Variants in CSMD1 observed in about 807,000 individuals in gnomAD.
CSMD1 encodes the protein CUB and sushi domain-containing protein 1.
In CSMD1, 213 loss-of-function variants were observed where a neutral mutation model predicts 417.5. That is an observed-to-expected ratio of 0.51 (90% CI 0.46 to 0.57). CSMD1 has a LOEUF of 0.57. Among genes scored for constraint, CSMD1 ranks in the 20% least tolerant of loss-of-function variants. The pLI, the probability that CSMD1 is intolerant of heterozygous loss-of-function variation, is 0.00. For synonymous variants in CSMD1, 2,862 were observed against 1,736.8 expected, an observed-to-expected ratio of 1.65 and a Z score of -16.11; for missense variants, 6,923 against 4,529.7, an observed-to-expected ratio of 1.53 and a Z score of -15.17.
At chr8:4,222,909 T>C (rs1390989312) in intron 3 of CSMD1, among the ~76,000 whole-genome samples, 8 of 152,102 alleles carry the variant, frequency 5.3e-5, no homozygotes, top group African/African-American at 1.7e-4. Flanking sequence ...GTGAAAGTTA[T>C]GCAAAGCGTT....
At chr8:4,838,786 C>G (rs1242350100) in intron 1 of CSMD1, among the ~76,000 whole-genome samples, 2 of 152,178 alleles carry the variant, frequency 1.3e-5, no homozygotes, top group Admixed American at 6.5e-5. Flanking sequence ...AGAGTTTGGT[C>G]GGAACCGACA....
chr8:4,371,743 G>A (rs1323959176), intron 3 of CSMD1, among the ~76,000 whole-genome samples: 3 of 152,034 alleles, frequency 2.0e-5, no homozygotes, highest in South Asian at 2.1e-4. Flanking sequence ...TTTTTCAAAC[G>A]CCTAAGGTCT....
At chr8:4,743,120 T>G (rs537771178) in intron 1 of CSMD1, among the ~76,000 whole-genome samples, 1 of 152,292 alleles carries the variant, frequency 6.6e-6, no homozygotes, top group Non-Finnish European at 1.5e-5. Flanking sequence ...AAAATAAATA[T>G]ACCAAGAAAA....
intron 10 of CSMD1, among the ~76,000 whole-genome samples, chr8:3,536,376 G>T (rs1010829018): frequency 1.2e-4 from 19 of 152,204 alleles, no homozygotes; most frequent in African/African-American, 4.3e-4. Context: ...AGAATTCCAT[G>T]ACCATTGATT....
intron 2 of CSMD1, among the ~76,000 whole-genome samples, chr8:4,483,999 C>T (rs958980179): frequency 6.6e-6 from 1 of 152,090 alleles, no homozygotes; most frequent in African/African-American, 2.4e-5. Context: ...CTGGGAGAAA[C>T]ATCCCATTGC....
At chr8:4,841,911 C>CAAACAAAACAAAAAAAAAAAAAAAAAA (rs779855887) in intron 1 of CSMD1, among the ~76,000 whole-genome samples, 2 of 34,848 alleles carry the variant, frequency 5.7e-5, no homozygotes, top group African/African-American at 1.7e-4. Flanking sequence ...AACTCCGTCT[C>CAAACAAAACAAAAAAAAAAAAAAAAAA]AAAAAAAAAA....
At chr8:3,452,128 G>A (rs1815767421) in intron 12 of CSMD1, among the ~76,000 whole-genome samples, 1 of 152,166 alleles carries the variant, frequency 6.6e-6, no homozygotes, top group Non-Finnish European at 1.5e-5. Flanking sequence ...GTCTGTTATT[G>A]TTTTATAAGA....
intron 1 of CSMD1, among the ~76,000 whole-genome samples, chr8:4,749,869 G>T (rs1157747917): frequency 6.6e-6 from 1 of 151,990 alleles, no homozygotes; most frequent in Non-Finnish European, 1.5e-5. Flanking sequence ...GGCAAAAAGA[G>T]AAATGCAACT....
chr8:4,110,705 G>C (rs749797662), intron 3 of CSMD1, among the ~76,000 whole-genome samples: 43 of 151,886 alleles, frequency 2.8e-4, no homozygotes, highest in Non-Finnish European at 5.0e-4. Context: ...TATAATTTCA[G>C]GGTTTTTTTT....
At chr8:3,816,871 G>T (rs1003773887) in intron 5 of CSMD1, among the ~76,000 whole-genome samples, 1 of 151,972 alleles carries the variant, frequency 6.6e-6, no homozygotes. Context: ...GGGGTAAGGG[G>T]GCACTATATA....
intron 25 of CSMD1, among the ~76,000 whole-genome samples, chr8:3,290,205 T>C (rs1803447781): frequency 6.8e-6 from 1 of 147,450 alleles, no homozygotes; most frequent in Admixed American, 6.7e-5. Context: ...TTGGTACCAG[T>C]ACCATGCTGT....
intron 5 of CSMD1, among the ~76,000 whole-genome samples, chr8:3,757,715 G>T (rs1416101433): frequency 6.6e-6 from 1 of 152,002 alleles, no homozygotes; most frequent in Non-Finnish European, 1.5e-5. Context: ...TGGGCATGGT[G>T]GCAGGCACAG....
chr8:3,302,404 GTC>G (rs1214007963), intron 25 of CSMD1, among the ~76,000 whole-genome samples: 1 of 152,018 alleles, frequency 6.6e-6, no homozygotes, highest in Admixed American at 6.6e-5. Flanking sequence ...CCTATCTAAG[GTC>G]TCTCCGCACA....
chr8:4,738,925 G>C (rs1810423847), intron 1 of CSMD1, among the ~76,000 whole-genome samples: 1 of 152,102 alleles, frequency 6.6e-6, no homozygotes, highest in South Asian at 2.1e-4. Context: ...GTGTGTGTAT[G>C]TGTTAGAAGG....
intron 1 of CSMD1, among the ~76,000 whole-genome samples, chr8:4,724,334 A>G (rs542425959): frequency 6.6e-6 from 1 of 152,256 alleles, no homozygotes; most frequent in Admixed American, 6.5e-5. Context: ...GATTATATGA[A>G]GAGCTAATAA....
chr8:3,491,406 G>T lies in CSMD1; in HGVS notation c.1448+2217C>A, dbSNP rs113716806. Among the ~76,000 whole-genome samples, 19 of 152,278 alleles carry T rather than the reference G, an allele frequency of 1.2e-4. 1 individual carries two copies. Among genetic ancestry groups the T allele is most frequent in the African/African-American group, 3.4e-4 (14 of 41,562 alleles). On this transcript the variant is annotated intron_variant, in intron 11 of 69. Transcript: ENST00000635120. ...GATCAAATAAGGTAAAATGTATTAT[G>T]CATTTAACACAGTGCATGGTGCGTA...
At chr8:3,405,643 C>T (rs766858353) in intron 15 of CSMD1, among the ~76,000 whole-genome samples, 1 of 152,104 alleles carries the variant, frequency 6.6e-6, no homozygotes, top group Non-Finnish European at 1.5e-5. Flanking sequence ...ATGATTGTGT[C>T]CTTTTAACAA....
At chr8:3,252,557 C>G (rs1489136004) in intron 26 of CSMD1, among the ~76,000 whole-genome samples, 1 of 152,180 alleles carries the variant, frequency 6.6e-6, no homozygotes, top group Non-Finnish European at 1.5e-5. Context: ...GCTTTGGTAT[C>G]AGGATGATGC....
At chr8:3,585,853 A>G (rs1800576981) in intron 9 of CSMD1, among the ~76,000 whole-genome samples, 1 of 152,168 alleles carries the variant, frequency 6.6e-6, no homozygotes, top group South Asian at 2.1e-4. Context: ...ACACATGCAC[A>G]CTGTTTGTGT....
Sources: allele counts gnomAD v4.1 joint callset (sites outside exome capture counted in the v4.1 genomes callset), GRCh38; gene constraint gnomAD v4.1.1; transcripts MANE v1.5; gene names NCBI Gene and HGNC (gene_info 2026-07-23, HGNC 2026-07-21).